Variants in NKX6-1 observed in about 807,000 individuals in gnomAD.
The protein encoded by NKX6-1 is homeobox protein Nkx-6.1.
In NKX6-1, 11 loss-of-function variants were observed where a neutral mutation model predicts 24.9. That is an observed-to-expected ratio of 0.44 (90% CI 0.28 to 0.73). The LOEUF is 0.73. Among genes scored for constraint, NKX6-1 ranks in the 30% least tolerant of loss-of-function variants. The probability of loss-of-function intolerance (pLI) is 0.15; values close to 1 mark genes in which losing one functional copy is unlikely to be tolerated. For missense variants in NKX6-1, 487 were observed against 502.9 expected (o/e 0.97, Z 0.30); for synonymous variants, 277 against 242.9 (o/e 1.14, Z -1.31).
Position 84,497,729 on chromosome 4 carries a change from C to T in NKX6-1, c.500G>A (p.Ser167Asn). Residue 167 changes from serine to asparagine, a missense_variant, in exon 1 of 3, where the codon AGC becomes AAC. This residue lies in a region of NKX6-1 where 316 missense variants were observed against 311.4 expected (regional missense o/e 1.01). Transcript: ENST00000295886. The surrounding 1 kb of genome is among the most constrained non-coding windows in gnomAD (Gnocchi z 4.8). ...LAGLPRFSSL[S>N]PPPPPPGLYF... The stretch of plus-strand genomic sequence containing the variant: ...GAGCCCGGGCGGCGGCGGCGGCGGG[C>T]TCAGGCTGCTAAAGCGTGGCAGTCC... The T allele has an allele frequency of 7.8e-7, 1 of 1,275,360 alleles. No individual in the cohort carries two copies. The highest frequency in any genetic ancestry group is 2.9e-5 in the South Asian group (1 of 33,944). The allele number at this position is 1,275,360 out of a possible 1,614,324, so 79.0% of individuals were successfully genotyped here.
rs576348974 is a variant in NKX6-1 at position 84,498,888 on chromosome 4, G to A, written c.-660C>T. Among the ~76,000 whole-genome samples, 25 of 152,364 alleles carry A rather than the reference G, an allele frequency of 1.6e-4. No homozygotes were observed. In the East Asian group the frequency reaches 3.7e-3, roughly 22 times the overall value. On this transcript the variant is annotated 5_prime_UTR_variant, in exon 1 of 3. Transcript: ENST00000295886. ...GCCCCGGGCTGCTGCGCCAGAAAGG[G>A]CAGTGCCACGGATCCCCGCGGCTCC...
Position 84,497,976 on chromosome 4 carries a change from T to C in NKX6-1, c.253A>G (p.Ser85Gly). 3 of 1,294,088 alleles carry C rather than the reference T, an allele frequency of 2.3e-6. No homozygotes were observed. Among genetic ancestry groups the C allele is most frequent in the Non-Finnish European group, 2.9e-6 (3 of 1,018,800 alleles). The allele number at this position is 1,294,088 out of a possible 1,614,324, so 80.2% of individuals were successfully genotyped here. A position where few individuals can be genotyped will look rare whatever the true frequency, so the allele number is the denominator to read the frequency against. Residue 85 changes from serine (S) to glycine (G), a missense_variant, in exon 1 of 3, where the codon AGC (serine) becomes GGC (glycine). By Grantham distance (56) the Ser-to-Gly change is moderately conservative (BLOSUM62 0). Transcript: ENST00000295886. The surrounding 1 kb of genome is among the most constrained non-coding windows in gnomAD (Gnocchi z 4.8). ...GCGGCCGAGAGCTGCTGCGGGGGGC[T>C]GCCGAGGGATGAGAGCCCCCCCGTG... ...PATGGLSSLG[S>G]PPQQLSAATP...
rs537473741 is a variant in NKX6-1 at position 84,493,210 on chromosome 4, G to T, written c.*79C>A. 9 of 1,305,692 alleles carry T rather than the reference G, an allele frequency of 6.9e-6. No homozygotes were observed. The African/African-American group carries it at 1.2e-4, about 18-fold the overall frequency. The allele number at this position is 1,305,692 out of a possible 1,614,324, so 80.9% of individuals were successfully genotyped here. ...CGGGCCCCGAGGAGCGGGCAGGCGCGGCGTGCACGCGGTCCCCGCGCCCCT... is the reference window on the plus strand; with the variant it reads ...CGGGCCCCGAGGAGCGGGCAGGCGCTGCGTGCACGCGGTCCCCGCGCCCCT... On this transcript the variant is annotated 3_prime_UTR_variant, in exon 3 of 3. Transcript: ENST00000295886. This position sits in a 1 kb window ranked among gnomAD's most constrained non-coding sequence, Gnocchi z 5.1.
At position 84,497,596 on chromosome 4, in the gene NKX6-1, G is replaced by T. The variant is rs1560617102; in HGVS notation, c.633C>A (p.Ser211Arg). 1.6e-6 allele frequency: 2 copies of T among 1,274,932 alleles called. No homozygotes were observed. The highest frequency in any genetic ancestry group is 2.0e-6 in the Non-Finnish European group (2 of 1,005,206). 79.0% of individuals were successfully genotyped at this position (1,274,932 alleles called of 1,614,324 possible). A position where few individuals can be genotyped will look rare whatever the true frequency, so the allele number is the denominator to read the frequency against. The stretch of plus-strand genomic sequence containing the variant: ...CCAGGCGTGCGTCCCTCCAGGGCGG[G>T]CTCTGCATCACTCCGGGCCAGAAGA... Reference protein sequence around the residue: ...TPIFWPGVMQSPPWRDARLAC... With the variant: ...TPIFWPGVMQRPPWRDARLAC... The change falls in exon 1 of 3, where the codon AGC becomes AGA. Residue 211 changes from serine (S) to arginine (R), a missense_variant. Around this residue, in one of 3 missense-constraint regions of NKX6-1, gnomAD observed 316 missense variants for 311.4 expected, o/e 1.01. Coordinates refer to ENST00000295886, the MANE Select transcript of NKX6-1 (RefSeq NM_006168.3). The surrounding 1 kb of genome is among the most constrained non-coding windows in gnomAD (Gnocchi z 4.8).
At position 84,497,318 on chromosome 4, in the gene NKX6-1, C is replaced by A. The variant is rs1720838965; in HGVS notation, c.670+241G>T. On this transcript the variant is annotated intron_variant, in intron 1 of 2. Coordinates refer to ENST00000295886, the MANE Select transcript of NKX6-1 (RefSeq NM_006168.3). This position sits in a 1 kb window ranked among gnomAD's most constrained non-coding sequence, Gnocchi z 4.8. ...CACGAACACACACACACCGGCTCAG[C>A]CCAGGCGTACTCAAGACTTAGAGAG... is the stretch of plus-strand genomic sequence containing the variant. 6.6e-6 allele frequency among the ~76,000 whole-genome samples: 1 copy of A among 152,158 alleles called. No individual in the cohort carries two copies. Among genetic ancestry groups the A allele is most frequent in the Non-Finnish European group, 1.5e-5 (1 of 68,026 alleles).
At chr4:84,496,285 G>A (rs1319105525) in intron 1 of NKX6-1, among the ~76,000 whole-genome samples, 4 of 151,722 alleles carry the variant, frequency 2.6e-5, no homozygotes, top group Admixed American at 2.6e-4. Context: ...CTGTGTCCAG[G>A]CAACAAAGGG....
intron 2 of NKX6-1, among the ~76,000 whole-genome samples, chr4:84,494,269 A>T (rs1395324865): frequency 1.3e-5 from 2 of 152,014 alleles, no homozygotes; most frequent in Admixed American, 1.3e-4. Flanking sequence ...TAGAATTACC[A>T]TTGGTTATTT....
Position 84,498,180 on chromosome 4 carries a change from G to C in NKX6-1, c.49C>G (p.Leu17Val). ...MEGTRQSAFL[L>V]SSPPLAALHS... ...AGGGCGGCCAGGGGAGGGCTGCTGA[G>C]CAGGAATGCGCTCTGCCGGGTGCCC... Residue 17 changes from leucine to valine, a missense_variant, in exon 1 of 3, where the codon CTC becomes GTC. Leu to Val is a conservative substitution (Grantham distance 32). Coordinates refer to ENST00000295886, the MANE Select transcript of NKX6-1 (RefSeq NM_006168.3). 1 of 1,297,396 alleles carries C rather than the reference G, an allele frequency of 7.7e-7. No homozygotes were observed. Among genetic ancestry groups the C allele is most frequent in the Non-Finnish European group, 9.8e-7 (1 of 1,022,480 alleles). 80.4% of individuals were successfully genotyped at this position (1,297,396 alleles called of 1,614,324 possible).
rs778404331 is a variant in NKX6-1 at position 84,497,814 on chromosome 4, CGGCAGAGGCGGAGGA to C, written c.400_414del (p.Ser134_Ala138del). 20 of 1,270,750 alleles carry C rather than the reference CGGCAGAGGCGGAGGA, an allele frequency of 1.6e-5. No homozygotes were observed. The highest frequency in any genetic ancestry group is 3.0e-4 in the Middle Eastern group (1 of 3,340). The allele number at this position is 1,270,750 out of a possible 1,614,324, so 78.7% of individuals were successfully genotyped here. A position where few individuals can be genotyped will look rare whatever the true frequency, so the allele number is the denominator to read the frequency against. On this transcript the variant is annotated inframe_deletion, in exon 1 of 3. Coordinates refer to ENST00000295886, the MANE Select transcript of NKX6-1 (RefSeq NM_006168.3). The surrounding 1 kb of genome is among the most constrained non-coding windows in gnomAD (Gnocchi z 4.8). Reference sequence around the variant, plus strand: ...GCGGCCGCGGCAGCAGCCGCGGCGGCGGCAGAGGCGGAGGAGGCAGAGGCGGACGAGGAAGAGGAG... The same window carrying C: ...GCGGCCGCGGCAGCAGCCGCGGCGGCGGCAGAGGCGGACGAGGAAGAGGAG...
Position 84,492,962 on chromosome 4 carries a change from CG to C in NKX6-1, c.*326del, listed in dbSNP as rs1315622751. The C allele has an allele frequency of 5.7e-6, 1 of 175,096 alleles. No individual in the cohort carries two copies. The highest frequency in any genetic ancestry group is 2.4e-5 in the African/African-American group (1 of 42,550). The allele number at this position is 175,096 out of a possible 1,614,324, so 10.8% of individuals were successfully genotyped here. ...GCAAAATCTGGGGGCGAGGGGGACC[CG>C]GGCGCTGAGGCCGCTGCCCGCCTAT... On this transcript the variant is annotated 3_prime_UTR_variant, in exon 3 of 3. Coordinates refer to ENST00000295886, the MANE Select transcript of NKX6-1 (RefSeq NM_006168.3).
intron 2 of NKX6-1, among the ~76,000 whole-genome samples, chr4:84,494,717 A>G (rs1720786505): frequency 6.6e-6 from 1 of 152,252 alleles, no homozygotes; most frequent in Non-Finnish European, 1.5e-5. Context: ...AATGTATTTT[A>G]TGATGGCTGT....
Position 84,497,850 on chromosome 4 carries a change from A to C in NKX6-1, c.379T>G (p.Ser127Ala). 1 of 1,269,140 alleles carries C rather than the reference A, an allele frequency of 7.9e-7. No homozygotes were observed. Among genetic ancestry groups the C allele is most frequent in the African/African-American group, 1.5e-5 (1 of 64,906 alleles). The allele number at this position is 1,269,140 out of a possible 1,614,324, so 78.6% of individuals were successfully genotyped here. Residue 127 changes from serine to alanine, a missense_variant, in exon 1 of 3, where the codon TCT becomes GCT. Around this residue, in one of 3 missense-constraint regions of NKX6-1, gnomAD observed 316 missense variants for 311.4 expected, o/e 1.01. Coordinates refer to ENST00000295886, the MANE Select transcript of NKX6-1 (RefSeq NM_006168.3). This position sits in a 1 kb window ranked among gnomAD's most constrained non-coding sequence, Gnocchi z 4.8. ...SASPSGSSSS[S>A]SSSASASSAS... ...GAGGAGGCAGAGGCGGACGAGGAAG[A>C]GGAGGAGGAGGAACCGGAGGGCGAG... is the stretch of plus-strand genomic sequence containing the variant.
In NKX6-1 at chr4:84,498,430, C is replaced by T. The variant is rs539858124; in HGVS notation, c.-202G>A. On this transcript the variant is annotated 5_prime_UTR_variant, in exon 1 of 3. In the 5' UTR this introduces an upstream ATG that the reference lacks. Transcript: ENST00000295886. ...GCAGCAGAGATGTCCAAACCCTCCA[C>T]GCGGGAGGCGGCAGCTCGCCGAGAA... 5 of 481,616 alleles carry T rather than the reference C, an allele frequency of 1.0e-5. No individual in the cohort carries two copies. Among genetic ancestry groups the T allele is most frequent in the African/African-American group, 2.0e-5 (1 of 50,158 alleles). 29.8% of individuals were successfully genotyped at this position (481,616 alleles called of 1,614,324 possible).
chr4:84,493,679 C>T lies in NKX6-1; in HGVS notation c.844-130G>A, dbSNP rs543194710. On this transcript the variant is annotated intron_variant, in intron 2 of 2. Transcript: ENST00000295886. The surrounding 1 kb of genome is among the most constrained non-coding windows in gnomAD (Gnocchi z 5.1). ...CCCCCGAAGGCCTGCTGCCCTCCCTCGCAGCCCTCCCTTTTCTCGGCCGTC... is the reference window on the plus strand; with the variant it reads ...CCCCCGAAGGCCTGCTGCCCTCCCTTGCAGCCCTCCCTTTTCTCGGCCGTC... The T allele has an allele frequency of 2.7e-6, 3 of 1,126,164 alleles. No individual in the cohort carries two copies. The highest frequency in any genetic ancestry group is 3.1e-5 in the African/African-American group (2 of 64,388). The allele number at this position is 1,126,164 out of a possible 1,614,324, so 69.8% of individuals were successfully genotyped here.
At position 84,497,809 on chromosome 4, in the gene NKX6-1, G is replaced by A. The variant is rs1478829153; in HGVS notation, c.420C>T (p.Ala140=). The change falls in exon 1 of 3, where the codon GCC becomes GCT. Residue 140 remains alanine (A), a synonymous_variant. Transcript: ENST00000295886. This position sits in a 1 kb window ranked among gnomAD's most constrained non-coding sequence, Gnocchi z 4.8. Reference sequence around the variant, plus strand: ...CGGCTGCGGCCGCGGCAGCAGCCGCGGCGGCGGCAGAGGCGGAGGAGGCAG... The same window carrying A: ...CGGCTGCGGCCGCGGCAGCAGCCGCAGCGGCGGCAGAGGCGGAGGAGGCAG... The part of the protein sequence containing the change: ...SASASSASAA[A]AAAAAAAAAA... 3.2e-6 allele frequency: 4 copies of A among 1,268,422 alleles called. No individual in the cohort carries two copies. The highest frequency in any genetic ancestry group is 8.4e-5 in the Admixed American group (2 of 23,890). The allele number at this position is 1,268,422 out of a possible 1,614,324, so 78.6% of individuals were successfully genotyped here. A position where few individuals can be genotyped will look rare whatever the true frequency, so the allele number is the denominator to read the frequency against.
rs1037798569 is a variant in NKX6-1 at position 84,497,431 on chromosome 4, C to T, written c.670+128G>A. ...TGGCCCAACCTAACTGGTGTGATTC[C>T]GGCGCTGTCAAACTACTGGGGCGGG... On this transcript the variant is annotated intron_variant, in intron 1 of 2. Coordinates refer to ENST00000295886, the MANE Select transcript of NKX6-1 (RefSeq NM_006168.3). The surrounding 1 kb of genome is among the most constrained non-coding windows in gnomAD (Gnocchi z 4.8). 7 of 1,210,088 alleles carry T rather than the reference C, an allele frequency of 5.8e-6. No homozygotes were observed. Among genetic ancestry groups the T allele is most frequent in the Non-Finnish European group, 7.3e-6 (7 of 958,812 alleles). 75.0% of individuals were successfully genotyped at this position (1,210,088 alleles called of 1,614,324 possible).
chr4:84,498,238 A>G lies in NKX6-1; in HGVS notation c.-10T>C, dbSNP rs761649843. The G allele has an allele frequency of 5.4e-6, 7 of 1,294,238 alleles. No individual in the cohort carries two copies. Among genetic ancestry groups the G allele is most frequent in the Non-Finnish European group, 6.9e-6 (7 of 1,020,778 alleles). The allele number at this position is 1,294,238 out of a possible 1,614,324, so 80.2% of individuals were successfully genotyped here. A position where few individuals can be genotyped will look rare whatever the true frequency, so the allele number is the denominator to read the frequency against. On this transcript the variant is annotated 5_prime_UTR_variant, in exon 1 of 3. Coordinates refer to ENST00000295886, the MANE Select transcript of NKX6-1 (RefSeq NM_006168.3). Reference sequence around the variant, plus strand: ...CCCCCACCGCTAACATCCCACGGCCACGCCGGAGACCGTAGCCTTGCAGCG... The same window carrying G: ...CCCCCACCGCTAACATCCCACGGCCGCGCCGGAGACCGTAGCCTTGCAGCG...
In NKX6-1 at chr4:84,498,026, T is replaced by C; in HGVS notation, c.203A>G (p.Asn68Ser). 4 of 1,267,310 alleles carry C rather than the reference T, an allele frequency of 3.2e-6. No homozygotes were observed. The highest frequency in any genetic ancestry group is 4.0e-6 in the Non-Finnish European group (4 of 1,007,536). The allele number at this position is 1,267,310 out of a possible 1,614,324, so 78.5% of individuals were successfully genotyped here. ...GGCCGGGGGCTTCAGGCCGCCTGGG[T>C]TGTGGGTGCCCAGAGGCGGGGAGGG... ...SSPSPPLGTH[N>S]PGGLKPPATG... Residue 68 changes from asparagine to serine, a missense_variant, in exon 1 of 3, where the codon AAC becomes AGC. Asn to Ser is a conservative substitution (Grantham distance 46, BLOSUM62 1). Transcript: ENST00000295886.
rs1471692291 is a variant in NKX6-1, at chr4:84,498,478, G to C, written c.-250C>G. 1 of 395,466 alleles carries C rather than the reference G, an allele frequency of 2.5e-6. No homozygotes were observed. Among genetic ancestry groups the C allele is most frequent in the African/African-American group, 2.1e-5 (1 of 48,582 alleles). 24.5% of individuals were successfully genotyped at this position (395,466 alleles called of 1,614,324 possible). ...GAAAAGCAGGCGTCCCGGCGGGCTA[G>C]GCAGTCCTTTCGTTCCGCGAGTCCT... is the stretch of plus-strand genomic sequence containing the variant. On this transcript the variant is annotated 5_prime_UTR_variant, in exon 1 of 3. Coordinates refer to ENST00000295886, the MANE Select transcript of NKX6-1 (RefSeq NM_006168.3).
Sources: gnomAD v4.1 joint callset for allele counts (sites outside exome capture counted in the v4.1 genomes callset) on GRCh38, gnomAD v4.1.1 for gene constraint, gnomAD v4.1.1 regional missense constraint, Gnocchi (gnomAD v3.1) non-coding constraint, MANE v1.5 for transcripts, NCBI Gene and HGNC (gene_info 2026-07-23, HGNC 2026-07-21) for gene names.